AIFM2: variants seen among roughly 807,000 people sequenced by gnomAD.
AIFM2 encodes the protein ferroptosis suppressor protein 1.
In AIFM2, 38 loss-of-function variants were observed where a neutral mutation model predicts 35.7. That is an observed-to-expected ratio of 1.06 (90% CI 0.82 to 1.39). The LOEUF (loss-of-function observed/expected upper bound fraction) is 1.39, where lower values mean the gene tolerates loss of function less well. Among genes scored for constraint, AIFM2 ranks in the 40% most tolerant of loss-of-function variants. The pLI, the probability that AIFM2 is intolerant of heterozygous loss-of-function variation, is 0.00. For missense variants in AIFM2, 476 were observed against 491.2 expected (o/e 0.97, Z 0.29); for synonymous variants, 185 against 203.5 (o/e 0.91, Z 0.77).
At chr10:70,116,591 A>C in intron 7 of AIFM2, 31 bp downstream of exon 7, 2 of 1,611,940 alleles carry the variant, frequency 1.2e-6, no homozygotes, top group Non-Finnish European at 1.7e-6. Context: ...GCAAGGAGGC[A>C]CAGGGGAAGC....
intron 7 of AIFM2, 82 bp downstream of exon 7, chr10:70,116,540 C>T (rs1435934477): frequency 6.4e-7 from 1 of 1,565,546 alleles, no homozygotes; most frequent in African/African-American, 1.4e-5. Context: ...GTGTGGACTC[C>T]TGGGGGCAAG....
At chr10:70,124,140 T>C in intron 1 of AIFM2, 43 bp from the exon 2 acceptor site, 1 of 1,346,004 alleles carries the variant, frequency 7.4e-7, no homozygotes, top group Non-Finnish European at 9.6e-7. Context: ...TCAGGGAGGC[T>C]GGGAGGGCTG....
intron 1 of AIFM2, among the ~76,000 whole-genome samples, chr10:70,126,028 G>A (rs1589851499): frequency 2.0e-5 from 3 of 152,378 alleles, no homozygotes; most frequent in East Asian, 3.9e-4. Flanking sequence ...GACAGAGGAG[G>A]GCCCAGGGGC....
Position 70,123,450 on chromosome 10 carries a change from C to T in AIFM2, c.249G>A (p.Val83=). Reference sequence around the variant, plus strand: ...CCATCTGGTTCTTCAGGTCTATCCCCACTACTAGCCCCTGCCGGAAGTTGT... The same window carrying T: ...CCATCTGGTTCTTCAGGTCTATCCCTACTACTAGCCCCTGCCGGAAGTTGT... The part of the protein sequence containing the change: ...FKDNFRQGLV[V]GIDLKNQMVL... The change falls in exon 3 of 9, where the codon GTG becomes GTA. Residue 83 remains valine (V), a synonymous_variant. Transcript: ENST00000307864. 6.2e-7 allele frequency: 1 copy of T among 1,614,196 alleles called. No homozygotes were observed. Among genetic ancestry groups the T allele is most frequent in the Non-Finnish European group, 8.5e-7 (1 of 1,180,030 alleles).
Position 70,117,902 on chromosome 10 carries a change from G to A in AIFM2, c.526C>T (p.Gln176Ter), listed in dbSNP as rs1589846823. Residue 176 changes from glutamine to a stop codon, truncating the protein, a stop_gained, in exon 6 of 9, where the codon CAA becomes TAA. Coordinates refer to ENST00000307864, the MANE Select transcript of AIFM2 (RefSeq NM_032797.6). LOFTEE classifies it high-confidence loss of function. The surrounding 1 kb of genome is among the most constrained non-coding windows in gnomAD (Gnocchi z 4.7). Reference sequence around the variant, plus strand: ...AGCTCCTTGTCAGCCAGGGCCACTTGGGAGTGAATGAGAGTGACCTGAGGA... The same window carrying A: ...AGCTCCTTGTCAGCCAGGGCCACTTAGGAGTGAATGAGAGTGACCTGAGGA... The part of the protein sequence containing the change: ...PEKEVTLIHS[Q>*]VALADKELLP... 2.5e-6 allele frequency: 4 copies of A among 1,608,386 alleles called. No homozygotes were observed. In the African/African-American group the frequency reaches 5.4e-5, roughly 22 times the overall value.
chr10:70,121,061 C>T (rs2072497954), intron 4 of AIFM2, 31 bp downstream of exon 4: 1 of 1,602,854 alleles, frequency 6.2e-7, no homozygotes, highest in Non-Finnish European at 8.5e-7. Flanking sequence ...CATCTGCCCA[C>T]ACTGCCCCAT....
Position 70,123,443 on chromosome 10 carries a change from C to T in AIFM2, c.256G>A (p.Asp86Asn), listed in dbSNP as rs773012283. Reference protein sequence around the residue: ...NFRQGLVVGIDLKNQMVLLQG... With the variant: ...NFRQGLVVGINLKNQMVLLQG... ...AGCAGCACCATCTGGTTCTTCAGGTCTATCCCCACTACTAGCCCCTGCCGG... is the reference window on the plus strand; with the variant it reads ...AGCAGCACCATCTGGTTCTTCAGGTTTATCCCCACTACTAGCCCCTGCCGG... The change falls in exon 3 of 9, where the codon GAC becomes AAC. Residue 86 changes from aspartate to asparagine, a missense_variant. Coordinates refer to ENST00000307864, the MANE Select transcript of AIFM2 (RefSeq NM_032797.6). The T allele has an allele frequency of 3.1e-6, 5 of 1,614,088 alleles. No homozygotes were observed. The East Asian group carries it at 1.1e-4, about 36-fold the overall frequency.
rs112641567 is a variant in AIFM2 at position 70,132,764 on chromosome 10, G to GGCTCCCGCTCCCGCTCCCGCTCCC, written c.-68_-45dup. 5.1e-3 allele frequency: 784 copies of GGCTCCCGCTCCCGCTCCCGCTCCC among 152,598 alleles called. 6 individuals carry two copies. The highest frequency in any genetic ancestry group is 0.018 in the African/African-American group (761 of 41,286). The allele number at this position is 152,598 out of a possible 1,614,324, so 9.5% of individuals were successfully genotyped here. A position where few individuals can be genotyped will look rare whatever the true frequency, so the allele number is the denominator to read the frequency against. ...GGCCGCGCCCGCGCGCTCTCGCTCCGGCTCCCGCTCCCGCTCCCGCTCCCG... is the reference window on the plus strand; with the variant it reads ...GGCCGCGCCCGCGCGCTCTCGCTCCGGCTCCCGCTCCCGCTCCCGCTCCCGCTCCCGCTCCCGCTCCCGCTCCCG... On this transcript the variant is annotated 5_prime_UTR_variant, in exon 1 of 9. Transcript: ENST00000307864.
In AIFM2 at chr10:70,120,577, A is replaced by T. The variant is rs149320515; in HGVS notation, c.437T>A (p.Val146Glu). 6.8e-6 allele frequency: 11 copies of T among 1,614,028 alleles called. No individual in the cohort carries two copies. The South Asian group carries it at 1.2e-4, about 18-fold the overall frequency. Residue 146 changes from valine to glutamate, a missense_variant, in exon 5 of 9, where the codon GTG (valine) becomes GAG (glutamate). Physicochemically the swap from Val to Glu is moderately radical, Grantham distance 121. Transcript: ENST00000307864. ...TCCAGCCGAGCCTCCTCCCACCACC[A>T]CGATGAACCGTGAGCGCTGGACCTG... is the stretch of plus-strand genomic sequence containing the variant. ...VRQVQRSRFI[V>E]VVGGGSAGVE...
chr10:70,117,648 C>T lies in AIFM2; in HGVS notation c.616+164G>A, dbSNP rs536511037. Reference sequence around the variant, plus strand: ...CAAGGCTCAGATGGGCTTTGATGTTCACGGCCTCTTCTGAGCGCTTCATGC... The same window carrying T: ...CAAGGCTCAGATGGGCTTTGATGTTTACGGCCTCTTCTGAGCGCTTCATGC... On this transcript the variant is annotated intron_variant, in intron 6 of 8. Transcript: ENST00000307864. The surrounding 1 kb of genome is among the most constrained non-coding windows in gnomAD (Gnocchi z 4.7). 2.0e-4 allele frequency among the ~76,000 whole-genome samples: 30 copies of T among 152,278 alleles called. No homozygotes were observed. Among genetic ancestry groups the T allele is most frequent in the Admixed American group, 1.8e-3 (28 of 15,296 alleles).
chr10:70,119,796 C>T (rs1452732564), intron 5 of AIFM2, among the ~76,000 whole-genome samples: 3 of 152,232 alleles, frequency 2.0e-5, no homozygotes, highest in Non-Finnish European at 2.9e-5. Flanking sequence ...AGCAAGCTCT[C>T]GCCTAGAGGA....
Position 70,112,827 on chromosome 10 carries a change from G to A in AIFM2, c.*1351C>T, listed in dbSNP as rs1023475804. On this transcript the variant is annotated 3_prime_UTR_variant, in exon 9 of 9. Coordinates refer to ENST00000307864, the MANE Select transcript of AIFM2 (RefSeq NM_032797.6). ...ATCATTTATACACTGTAACATAGTC[G>A]GTGGCAGACATTAGTGCCCAGCTGG... 3.9e-5 allele frequency: 6 copies of A among 152,182 alleles called. No homozygotes were observed. Among genetic ancestry groups the A allele is most frequent in the South Asian group, 4.1e-4 (2 of 4,834 alleles). 9.4% of individuals were successfully genotyped at this position (152,182 alleles called of 1,614,324 possible).
chr10:70,125,327 G>A (rs1415387270), intron 1 of AIFM2, among the ~76,000 whole-genome samples: 1 of 151,428 alleles, frequency 6.6e-6, no homozygotes, highest in Non-Finnish European at 1.5e-5. Flanking sequence ...GGGGCTGGGT[G>A]TAGCAGCTCA....
Position 70,117,860 on chromosome 10 carries a change from G to A in AIFM2, c.568C>T (p.Gln190Ter), listed in dbSNP as rs1374032033. 1.2e-6 allele frequency: 2 copies of A among 1,605,644 alleles called. No individual in the cohort carries two copies. Among genetic ancestry groups the A allele is most frequent in the Non-Finnish European group, 1.7e-6 (2 of 1,176,944 alleles). The change falls in exon 6 of 9, where the codon CAG becomes TAG. Residue 190 changes from glutamine (Q) to a stop codon, truncating the protein, a stop_gained. Transcript: ENST00000307864. LOFTEE classifies it high-confidence loss of function. This position sits in a 1 kb window ranked among gnomAD's most constrained non-coding sequence, Gnocchi z 4.7. Reference protein sequence around the residue: ...ADKELLPSVRQEVKEILLRKG... With the variant: ...ADKELLPSVR ...CGGAGGAGGATCTCCTTCACTTCCT[G>A]CCGGACGGAGGGCAGGAGCTCCTTG... is the stretch of plus-strand genomic sequence containing the variant.
intron 1 of AIFM2, among the ~76,000 whole-genome samples, chr10:70,124,959 G>A (rs1375037904): frequency 6.6e-6 from 1 of 152,116 alleles, no homozygotes; most frequent in Non-Finnish European, 1.5e-5. Context: ...AGGTGTTTGG[G>A]TCATACGGTC....
intron 5 of AIFM2, among the ~76,000 whole-genome samples, chr10:70,119,151 G>A (rs2072469993): frequency 6.6e-6 from 1 of 152,212 alleles, no homozygotes; most frequent in Non-Finnish European, 1.5e-5. Flanking sequence ...AAGCCCCTGT[G>A]CTCAGGACCC....
chr10:70,125,291 C>T (rs376820898), intron 1 of AIFM2, among the ~76,000 whole-genome samples: 1 of 152,102 alleles, frequency 6.6e-6, no homozygotes, highest in East Asian at 1.9e-4. Context: ...CAATGCCTGG[C>T]TAATTTTTTA....
In AIFM2 at chr10:70,114,949, T is replaced by C; in HGVS notation, c.941A>G (p.Lys314Arg). ...CTTGTAGGCCTGGAGAGGCCGCTGCTTCACAGAGTTGACGATGTTGGCCAC... is the reference window on the plus strand; with the variant it reads ...CTTGTAGGCCTGGAGAGGCCGCTGCCTCACAGAGTTGACGATGTTGGCCAC... ...IAVANIVNSV[K>R]QRPLQAYKPG... Residue 314 changes from lysine to arginine, a missense_variant, in exon 8 of 9, where the codon AAG (lysine) becomes AGG (arginine). Coordinates refer to ENST00000307864, the MANE Select transcript of AIFM2 (RefSeq NM_032797.6). 2 of 1,614,176 alleles carry C rather than the reference T, an allele frequency of 1.2e-6. No homozygotes were observed. Among genetic ancestry groups the C allele is most frequent in the Non-Finnish European group, 1.7e-6 (2 of 1,180,014 alleles).
At chr10:70,126,368 G>A (rs979607892) in intron 1 of AIFM2, among the ~76,000 whole-genome samples, 2 of 152,142 alleles carry the variant, frequency 1.3e-5, no homozygotes, top group African/African-American at 2.4e-5. Context: ...GGACTGGAGC[G>A]GGTGTCAGCG....
Sources: allele counts gnomAD v4.1 joint callset (sites outside exome capture counted in the v4.1 genomes callset), GRCh38; gene constraint gnomAD v4.1.1; non-coding constraint Gnocchi (gnomAD v3.1); transcripts MANE v1.5; gene names NCBI Gene and HGNC (gene_info 2026-07-23, HGNC 2026-07-21).